SPEG: variants seen among roughly 807,000 people sequenced by gnomAD.
SPEG encodes the protein striated muscle preferentially expressed protein kinase.
Under a neutral mutation model 300.4 loss-of-function variants are expected in SPEG, and 114 were observed. The ratio of observed to expected loss-of-function variants is 0.38; its 90% CI spans 0.33 to 0.44. SPEG has a LOEUF of 0.44. SPEG is among the 20% of genes least tolerant of loss of function. The pLI is 1.00. For missense variants in SPEG, 4,201 were observed against 4,586.2 expected (o/e 0.92, Z 2.43); for synonymous variants, 1,964 against 2,018.9 (o/e 0.97, Z 0.73).
chr2:219,441,877 TGCC>T, intron 1 of SPEG: 2 of 213,080 alleles, frequency 9.4e-6, no homozygotes, highest in Non-Finnish European at 1.8e-5. Context: ...CCGCCGCTGC[TGCC>T]GCCGCCGTCG....
chr2:219,488,580 G>T lies in SPEG; in HGVS notation c.7941G>T (p.Ala2647=), dbSNP rs774420776. The T allele has an allele frequency of 3.1e-6, 5 of 1,612,234 alleles. No individual in the cohort carries two copies. The Admixed American group carries it at 8.3e-5, about 27-fold the overall frequency. The change falls in exon 33 of 41, where the codon GCG becomes GCT. Residue 2647 remains alanine, a synonymous_variant. Coordinates refer to ENST00000312358, the MANE Select transcript of SPEG (RefSeq NM_005876.5). ...DGRQLLSIPR[A]GKRHAGLYEC... Reference sequence around the variant, plus strand: ...GGCAGCTGCTCAGCATCCCCCGGGCGGGCAAGCGGCACGCCGGTCTCTATG... The same window carrying T: ...GGCAGCTGCTCAGCATCCCCCGGGCTGGCAAGCGGCACGCCGGTCTCTATG...
In SPEG at chr2:219,451,229, G is replaced by C. The variant is rs1351469404; in HGVS notation, c.2207G>C (p.Gly736Ala). The change falls in exon 5 of 41, where the codon GGG becomes GCG. Residue 736 changes from glycine to alanine, a missense_variant. By Grantham distance (60) the Gly-to-Ala change is moderately conservative. Around this residue, in one of 4 missense-constraint regions of SPEG, gnomAD observed 1,258 missense variants for 1,293.9 expected, o/e 0.97. Coordinates refer to ENST00000312358, the MANE Select transcript of SPEG (RefSeq NM_005876.5). This position sits in a 1 kb window ranked among gnomAD's most constrained non-coding sequence, Gnocchi z 6.4. ...CTGCAGAATGTGGTGGTGGCACCAG[G>C]GGCAGATGTGCTGCTCAAGTGTATC... Reference protein sequence around the residue: ...IPLQNVVVAPGADVLLKCIIT... With the variant: ...IPLQNVVVAPAADVLLKCIIT... 2.5e-6 allele frequency: 4 copies of C among 1,613,876 alleles called. No individual in the cohort carries two copies. The highest frequency in any genetic ancestry group is 3.4e-6 in the Non-Finnish European group (4 of 1,179,966).
At chr2:219,455,757 A>G (rs74348351) in intron 6 of SPEG, among the ~76,000 whole-genome samples, 2,138 of 152,092 alleles carry the variant, frequency 0.014, 23 homozygotes, top group South Asian at 0.025. Flanking sequence ...TTCTTCCTCT[A>G]TTGACTCCCC....
chr2:219,477,597 T>C lies in SPEG; in HGVS notation c.4730-92T>C. On this transcript the variant is annotated intron_variant, in intron 20 of 40. Transcript: ENST00000312358. This position sits in a 1 kb window ranked among gnomAD's most constrained non-coding sequence, Gnocchi z 6.4. ...CTTGAGCCCCCAACATTCTTGCACCTCTTCTCTCTTCTTCTTCTGTCCACC... is the reference window on the plus strand; with the variant it reads ...CTTGAGCCCCCAACATTCTTGCACCCCTTCTCTCTTCTTCTTCTGTCCACC... 1 of 1,378,152 alleles carries C rather than the reference T, an allele frequency of 7.3e-7. No homozygotes were observed. Among genetic ancestry groups the C allele is most frequent in the Non-Finnish European group, 9.9e-7 (1 of 1,008,818 alleles). The allele number at this position is 1,378,152 out of a possible 1,614,324, so 85.4% of individuals were successfully genotyped here. A position where few individuals can be genotyped will look rare whatever the true frequency, so the allele number is the denominator to read the frequency against.
rs371955992 is a variant in SPEG at position 219,445,038 on chromosome 2, T to C, written c.692T>C (p.Val231Ala). 26 of 1,607,980 alleles carry C rather than the reference T, an allele frequency of 1.6e-5. No individual in the cohort carries two copies. Among genetic ancestry groups the C allele is most frequent in the Non-Finnish European group, 2.2e-5 (26 of 1,177,418 alleles). ...GPRHLGVEPLVRASRANLVGA... is the reference protein window; with the variant it reads ...GPRHLGVEPLARASRANLVGA... Reference sequence around the variant, plus strand: ...CGGCACCTGGGGGTGGAGCCGCTGGTGCGGGCATCTCGAGCTAATCTGGTG... The same window carrying C: ...CGGCACCTGGGGGTGGAGCCGCTGGCGCGGGCATCTCGAGCTAATCTGGTG... The change falls in exon 3 of 41, where the codon GTG (valine) becomes GCG (alanine). Residue 231 changes from valine to alanine, a missense_variant. Coordinates refer to ENST00000312358, the MANE Select transcript of SPEG (RefSeq NM_005876.5). The surrounding 1 kb of genome is among the most constrained non-coding windows in gnomAD (Gnocchi z 6.1).
At position 219,458,599 on chromosome 2, in the gene SPEG, G is replaced by C. The variant is rs188596133; in HGVS notation, c.2441-3283G>C. ...AGATTGTGCCCAAGATGGGAGACCA[G>C]GTCATGCCAGGGGAAGCACATGGGC... On this transcript the variant is annotated intron_variant, in intron 6 of 40. Coordinates refer to ENST00000312358, the MANE Select transcript of SPEG (RefSeq NM_005876.5). This position sits in a 1 kb window ranked among gnomAD's most constrained non-coding sequence, Gnocchi z 4.2. Among the ~76,000 whole-genome samples, 7 of 152,252 alleles carry C rather than the reference G, an allele frequency of 4.6e-5. No homozygotes were observed. The highest frequency in any genetic ancestry group is 1.7e-4 in the African/African-American group (7 of 41,544).
Position 219,488,880 on chromosome 2 carries a change from C to T in SPEG, c.8129C>T (p.Thr2710Met), listed in dbSNP as rs865794814. ...PGDSRAPCTY[T>M]LERRVDGESV... ...GACAGCCGGGCACCTTGCACGTATA[C>T]GCTGGAGCGGCGAGTGGATGGTGAG... The change falls in exon 34 of 41, where the codon ACG (threonine) becomes ATG (methionine). Residue 2710 changes from threonine (T) to methionine (M), a missense_variant. Around this residue, in one of 4 missense-constraint regions of SPEG, gnomAD observed 1,578 missense variants for 1,506.0 expected, o/e 1.05. Transcript: ENST00000312358. 5.0e-6 allele frequency: 8 copies of T among 1,584,974 alleles called. No individual in the cohort carries two copies. The highest frequency in any genetic ancestry group is 1.1e-5 in the South Asian group (1 of 87,888).
In SPEG at chr2:219,476,619, C is replaced by A. The variant is rs554442638; in HGVS notation, c.4448-251C>A. Among the ~76,000 whole-genome samples the A allele has an allele frequency of 2.0e-5, 3 of 152,220 alleles. No individual in the cohort carries two copies. The South Asian group carries it at 6.2e-4, about 32-fold the overall frequency. On this transcript the variant is annotated intron_variant, in intron 18 of 40. Transcript: ENST00000312358. Reference sequence around the variant, plus strand: ...GAAGGTCAAACAAAGCAAGCCTGCACCTTGTGCCAGGTTTCCTCAGATTTG... The same window carrying A: ...GAAGGTCAAACAAAGCAAGCCTGCAACTTGTGCCAGGTTTCCTCAGATTTG...
intron 1 of SPEG, among the ~76,000 whole-genome samples, chr2:219,441,351 A>G (rs1688904164): frequency 1.3e-5 from 2 of 152,302 alleles, no homozygotes; most frequent in Admixed American, 1.3e-4. Context: ...ATCGCGAGGT[A>G]AGGCAAGATA....
In SPEG at chr2:219,484,877, G is replaced by A. The variant is rs1408053577; in HGVS notation, c.7414G>A (p.Gly2472Ser). Residue 2472 changes from glycine to serine, a missense_variant, in exon 30 of 41, where the codon GGC becomes AGC. By Grantham distance (56) the Gly-to-Ser change is moderately conservative. This residue lies in a region of SPEG where 1,578 missense variants were observed against 1,506.0 expected (regional missense o/e 1.05). Coordinates refer to ENST00000312358, the MANE Select transcript of SPEG (RefSeq NM_005876.5). ...GCTGTCCAGCCGATTGCAGCGCAGT[G>A]GCAGCAGCGAGGACTCGGGGGGCGC... ...ERLSSRLQRS[G>S]SSEDSGGASG... The A allele has an allele frequency of 6.6e-7, 1 of 1,525,160 alleles. No homozygotes were observed. The highest frequency in any genetic ancestry group is 1.4e-5 in the African/African-American group (1 of 71,032). The allele number at this position is 1,525,160 out of a possible 1,614,324, so 94.5% of individuals were successfully genotyped here.
rs769385866 is a variant in SPEG at position 219,444,895 on chromosome 2, G to A, written c.549G>A (p.Glu183=). 1.9e-6 allele frequency: 3 copies of A among 1,573,402 alleles called. No individual in the cohort carries two copies. In the East Asian group the frequency reaches 6.7e-5, roughly 35 times the overall value. The change falls in exon 3 of 41, where the codon GAG becomes GAA. Residue 183 remains glutamate, a synonymous_variant. Transcript: ENST00000312358. This position sits in a 1 kb window ranked among gnomAD's most constrained non-coding sequence, Gnocchi z 7.8. ...PPTSVTGTSE[E]QVSWWGSGQT... is the part of the protein sequence containing the mutation. The stretch of plus-strand genomic sequence containing the variant: ...CCTCCGTGACAGGCACCTCAGAGGA[G>A]CAAGTGAGCTGGTGGGGCAGCGGGC...
At position 219,488,774 on chromosome 2, in the gene SPEG, C is replaced by T. The variant is rs747294815; in HGVS notation, c.8027-4C>T. The T allele has an allele frequency of 2.5e-6, 4 of 1,606,288 alleles. No homozygotes were observed. The African/African-American group carries it at 5.3e-5, about 21-fold the overall frequency. On this transcript the variant is annotated splice_polypyrimidine_tract_variant and splice_region_variant and intron_variant, in intron 33 of 40. Transcript: ENST00000312358. Reference sequence around the variant, plus strand: ...CTCACTGGGACTCTTCTTTCTCTTGCCAGGAGTCCCAGGAAAGCTAGCTCC... The same window carrying T: ...CTCACTGGGACTCTTCTTTCTCTTGTCAGGAGTCCCAGGAAAGCTAGCTCC...
intron 6 of SPEG, among the ~76,000 whole-genome samples, chr2:219,456,385 G>A (rs1377267332): frequency 1.3e-5 from 2 of 152,196 alleles, no homozygotes; most frequent in Admixed American, 6.5e-5. Flanking sequence ...CCTCGATGGG[G>A]GTTTGGACAA....
In SPEG at chr2:219,477,799, A is replaced by G. The variant is rs754625360; in HGVS notation, c.4826+14A>G. On this transcript the variant is annotated intron_variant, in intron 21 of 40. Coordinates refer to ENST00000312358, the MANE Select transcript of SPEG (RefSeq NM_005876.5). The surrounding 1 kb of genome is among the most constrained non-coding windows in gnomAD (Gnocchi z 6.4). ...GGAGATCGGCAGGTGTGGGGCTAGG[A>G]GGGAAGCCAGTGGGGGCCGAGAGAG... The G allele has an allele frequency of 6.3e-7, 1 of 1,599,902 alleles. No homozygotes were observed. The highest frequency in any genetic ancestry group is 2.2e-5 in the East Asian group (1 of 44,688).
rs1575040068 is a variant in SPEG, at chr2:219,443,550, C to A, written c.389-1103C>A. The A allele has an allele frequency of 6.7e-6, 2 of 296,790 alleles. No individual in the cohort carries two copies. The highest frequency in any genetic ancestry group is 1.3e-5 in the Non-Finnish European group (2 of 153,184). The allele number at this position is 296,790 out of a possible 1,614,324, so 18.4% of individuals were successfully genotyped here. A position where few individuals can be genotyped will look rare whatever the true frequency, so the allele number is the denominator to read the frequency against. ...CAGGAACCTTTTCTCCTAACCTAAC[C>A]ACTGGGCATTTTTGAGGACGATTCA... On this transcript the variant is annotated intron_variant, in intron 1 of 40. Transcript: ENST00000312358. The surrounding 1 kb of genome is among the most constrained non-coding windows in gnomAD (Gnocchi z 4.6).
Position 219,448,869 on chromosome 2 carries a change from C to T in SPEG, c.1711C>T (p.Pro571Ser). ...AEKPGDEPGR[P>S]RSRGPAGRTE... ...GAAGCCGGGGGACGAGCCTGGGAGG[C>T]CCAGGAGCCGCGGGCCGGCGGGCAG... is the stretch of plus-strand genomic sequence containing the variant. Residue 571 changes from proline (P) to serine (S), a missense_variant, in exon 4 of 41, where the codon CCC becomes TCC. This residue lies in a region of SPEG where 1,258 missense variants were observed against 1,293.9 expected (regional missense o/e 0.97). Transcript: ENST00000312358. The T allele has an allele frequency of 7.1e-7, 1 of 1,406,360 alleles. No individual in the cohort carries two copies. The highest frequency in any genetic ancestry group is 1.6e-5 in the South Asian group (1 of 64,398). The allele number at this position is 1,406,360 out of a possible 1,614,324, so 87.1% of individuals were successfully genotyped here. A position where few individuals can be genotyped will look rare whatever the true frequency, so the allele number is the denominator to read the frequency against.
chr2:219,466,468 GA>G, intron 9 of SPEG: 1 of 1,186,914 alleles, frequency 8.4e-7, no homozygotes, highest in Non-Finnish European at 1.0e-6. Context: ...CCTCGGAGCT[GA>G]GGTGGGGTGA....
At chr2:219,436,376 C>A (rs1249152933) in intron 1 of SPEG, among the ~76,000 whole-genome samples, 1 of 152,198 alleles carries the variant, frequency 6.6e-6, no homozygotes, top group Non-Finnish European at 1.5e-5. Context: ...ACTTCTCTAG[C>A]CAAAGGCAGA....
chr2:219,467,387 A>G lies in SPEG; in HGVS notation c.3095A>G (p.His1032Arg), dbSNP rs1324514978. The change falls in exon 10 of 41, where the codon CAT becomes CGT. Residue 1032 changes from histidine (H) to arginine (R), a missense_variant. Coordinates refer to ENST00000312358, the MANE Select transcript of SPEG (RefSeq NM_005876.5). ...RKCKLLLTSVHEDDSGVYTCK... is the reference protein window; with the variant it reads ...RKCKLLLTSVREDDSGVYTCK... ...TGCAAGCTGCTACTTACATCTGTAC[A>G]TGAGGACGACAGTGGCGTCTACACC... 6.2e-7 allele frequency: 1 copy of G among 1,612,122 alleles called. No homozygotes were observed. The highest frequency in any genetic ancestry group is 8.5e-7 in the Non-Finnish European group (1 of 1,179,786).
Sources: allele counts gnomAD v4.1 joint callset (sites outside exome capture counted in the v4.1 genomes callset), GRCh38; gene constraint gnomAD v4.1.1; regional missense constraint gnomAD v4.1.1; non-coding constraint Gnocchi (gnomAD v3.1); transcripts MANE v1.5; gene names NCBI Gene and HGNC (gene_info 2026-07-23, HGNC 2026-07-21).